The following SPTSSA variants were observed in gnomAD, a reference collection of about 807,000 sequenced individuals.
The protein encoded by SPTSSA is small subunit of serine palmitoyltransferase A.
Under a neutral mutation model 9.1 loss-of-function variants are expected in SPTSSA, and 8 were observed. The ratio of observed to expected loss-of-function variants is 0.88; its 90% CI spans 0.51 to 1.58. The LOEUF is 1.58. Among genes scored for constraint, SPTSSA ranks in the 40% most tolerant of loss-of-function variants. The pLI is 0.00. For synonymous variants in SPTSSA, 42 were observed against 37.7 expected (o/e 1.11, Z -0.41); for missense variants, 100 against 93.8 (o/e 1.07, Z -0.27).
intron 1 of SPTSSA, among the ~76,000 whole-genome samples, chr14:34,441,438 C>T (rs996600121): frequency 6.6e-6 from 1 of 152,206 alleles, no homozygotes; most frequent in Non-Finnish European, 1.5e-5. Flanking sequence ...CTCAAGCCTA[C>T]TCCTAAATTG....
At chr14:34,443,955 C>T (rs1955878995) in intron 1 of SPTSSA, among the ~76,000 whole-genome samples, 1 of 152,186 alleles carries the variant, frequency 6.6e-6, no homozygotes, top group Non-Finnish European at 1.5e-5. Flanking sequence ...TGGTTGCATA[C>T]AGTCAAACAG....
chr14:34,451,545 A>C (rs992282686), intron 1 of SPTSSA, among the ~76,000 whole-genome samples: 8 of 151,960 alleles, frequency 5.3e-5, no homozygotes, highest in African/African-American at 1.7e-4. Context: ...AACACGGTGA[A>C]ACCCCGTCTC....
intron 1 of SPTSSA, among the ~76,000 whole-genome samples, chr14:34,459,268 C>A (rs1372251511): frequency 1.3e-5 from 2 of 148,258 alleles, no homozygotes; most frequent in Non-Finnish European, 3.0e-5. Flanking sequence ...CCACCCCACC[C>A]CCACCCCACC....
chr14:34,446,222 G>A (rs1883420263), intron 1 of SPTSSA, among the ~76,000 whole-genome samples: 1 of 152,198 alleles, frequency 6.6e-6, no homozygotes, highest in African/African-American at 2.4e-5. Context: ...TCACAACTGA[G>A]AGGGGTCCCT....
chr14:34,435,346 A>G (rs1883223208), intron 1 of SPTSSA, 42 bp from the exon 2 acceptor site: 1 of 1,434,374 alleles, frequency 7.0e-7, no homozygotes, highest in African/African-American at 1.4e-5. Context: ...TAATTTATTC[A>G]AAACTAAATC....
Position 34,433,626 on chromosome 14 carries a change from T to C in SPTSSA, c.*1575A>G, listed in dbSNP as rs978217184. 1 of 152,122 alleles carries C rather than the reference T, an allele frequency of 6.6e-6. No homozygotes were observed. Among genetic ancestry groups the C allele is most frequent in the East Asian group, 1.9e-4 (1 of 5,192 alleles). The allele number at this position is 152,122 out of a possible 1,614,324, so 9.4% of individuals were successfully genotyped here. A position where few individuals can be genotyped will look rare whatever the true frequency, so the allele number is the denominator to read the frequency against. On this transcript the variant is annotated 3_prime_UTR_variant, in exon 2 of 2. Coordinates refer to ENST00000298130, the MANE Select transcript of SPTSSA (RefSeq NM_138288.4). ...TATATTACTTGAGACCTCTAGACTATAAAATACTTCAAAAGTCTAGTCCTT... is the reference window on the plus strand; with the variant it reads ...TATATTACTTGAGACCTCTAGACTACAAAATACTTCAAAAGTCTAGTCCTT...
intron 1 of SPTSSA, 119 bp from the exon 2 acceptor site, chr14:34,435,423 C>T: frequency 1.7e-6 from 1 of 602,952 alleles, no homozygotes; most frequent in Non-Finnish European, 2.8e-6. Context: ...TCATTTATAT[C>T]AAGCACTGAT....
Position 34,434,416 on chromosome 14 carries a change from A to C in SPTSSA, c.*785T>G, listed in dbSNP as rs1213179352. The C allele has an allele frequency of 1.3e-5, 2 of 152,662 alleles. No homozygotes were observed. Among genetic ancestry groups the C allele is most frequent in the African/African-American group, 4.8e-5 (2 of 41,464 alleles). The allele number at this position is 152,662 out of a possible 1,614,324, so 9.5% of individuals were successfully genotyped here. A position where few individuals can be genotyped will look rare whatever the true frequency, so the allele number is the denominator to read the frequency against. ...CATTGTTAATAGTGACCCTCGGAGG[A>C]AATGGATTTCTCTTCTATTAAAAAC... On this transcript the variant is annotated 3_prime_UTR_variant, in exon 2 of 2. Transcript: ENST00000298130.
Position 34,436,721 on chromosome 14 carries a change from G to A in SPTSSA, c.113-1417C>T, listed in dbSNP as rs954164121. On this transcript the variant is annotated intron_variant, in intron 1 of 1. Transcript: ENST00000298130. Reference sequence around the variant, plus strand: ...TTATGTTCATCACTAATCAGAAGCTGAGAAAACTGAGTAGCTTGTTCAGGG... The same window carrying A: ...TTATGTTCATCACTAATCAGAAGCTAAGAAAACTGAGTAGCTTGTTCAGGG... 1.3e-5 allele frequency among the ~76,000 whole-genome samples: 2 copies of A among 152,182 alleles called. 1 individual carries two copies. Among genetic ancestry groups the A allele is most frequent in the South Asian group, 4.2e-4 (2 of 4,818 alleles).
At chr14:34,440,403 T>C (rs1481502896) in intron 1 of SPTSSA, among the ~76,000 whole-genome samples, 1 of 152,244 alleles carries the variant, frequency 6.6e-6, no homozygotes, top group African/African-American at 2.4e-5. Flanking sequence ...GAAAATGGTA[T>C]AGTAATAATC....
rs549874486 is a variant in SPTSSA, at chr14:34,439,394, T to C, written c.113-4090A>G. Among the ~76,000 whole-genome samples, 7 of 152,092 alleles carry C rather than the reference T, an allele frequency of 4.6e-5. No homozygotes were observed. The South Asian group carries it at 1.2e-3, about 27-fold the overall frequency. ...GGCTCATGCCTGTAATTCCAGCACT[T>C]TGGGAGGCCGAGGTGGGAGGATTAC... is the stretch of plus-strand genomic sequence containing the variant. On this transcript the variant is annotated intron_variant, in intron 1 of 1. Coordinates refer to ENST00000298130, the MANE Select transcript of SPTSSA (RefSeq NM_138288.4).
intron 1 of SPTSSA, among the ~76,000 whole-genome samples, chr14:34,441,895 G>A (rs1013945713): frequency 6.9e-6 from 1 of 145,918 alleles, no homozygotes; most frequent in African/African-American, 2.5e-5. Context: ...TTTTGTTTTT[G>A]GAGACAGTCT....
In SPTSSA at chr14:34,435,211, A is replaced by C; in HGVS notation, c.206T>G (p.Ile69Ser). The change falls in exon 2 of 2, where the codon ATC becomes AGC. Residue 69 changes from isoleucine to serine, a missense_variant. Transcript: ENST00000298130. ...CTGGTCGCATCTTGGTCATTGTACG[A>C]TTTCAAAGTAGTGCAATATCGCCAT... Reference protein sequence around the residue: ...HIMAILHYFEIVQ With the variant: ...HIMAILHYFESVQ 1.2e-6 allele frequency: 2 copies of C among 1,613,344 alleles called. No homozygotes were observed. The highest frequency in any genetic ancestry group is 1.7e-6 in the Non-Finnish European group (2 of 1,179,566).
chr14:34,440,727 C>T (rs551367667), intron 1 of SPTSSA, among the ~76,000 whole-genome samples: 159 of 151,956 alleles, frequency 1.0e-3, no homozygotes, highest in African/African-American at 3.4e-3. Context: ...ACTAAAAATA[C>T]AAAATTAGCC....
intron 1 of SPTSSA, among the ~76,000 whole-genome samples, chr14:34,445,512 TAAATA>T (rs151328098): frequency 0.019 from 2,904 of 152,098 alleles, 97 homozygotes; most frequent in African/African-American, 0.066. Context: ...AAAAAATAAA[TAAATA>T]AAATAAAATA....
intron 1 of SPTSSA, among the ~76,000 whole-genome samples, chr14:34,447,879 T>G (rs1257302238): frequency 2.0e-5 from 3 of 152,200 alleles, no homozygotes; most frequent in Admixed American, 2.0e-4. Flanking sequence ...CCCTCTCGCC[T>G]AGAAACCATC....
intron 1 of SPTSSA, 143 bp downstream of exon 1, chr14:34,461,953 T>A: frequency 1.2e-5 from 1 of 80,622 alleles, no homozygotes; most frequent in Non-Finnish European, 1.5e-5. Flanking sequence ...CCCCCAGACC[T>A]CCCCCTGCAC....
intron 1 of SPTSSA, among the ~76,000 whole-genome samples, chr14:34,440,542 G>T (rs544959454): frequency 1.3e-5 from 2 of 152,182 alleles, no homozygotes; most frequent in South Asian, 4.1e-4. Context: ...ATCACTTAAG[G>T]AACACGCATA....
At chr14:34,443,173 T>TGTGTG (rs1883353515) in intron 1 of SPTSSA, among the ~76,000 whole-genome samples, 3 of 32,002 alleles carry the variant, frequency 9.4e-5, no homozygotes, top group Admixed American at 3.8e-4. Context: ...GTGTGTGTGT[T>TGTGTG]TTGAGATTGA....
Sources: allele counts gnomAD v4.1 joint callset (sites outside exome capture counted in the v4.1 genomes callset), GRCh38; gene constraint gnomAD v4.1.1; transcripts MANE v1.5; gene names NCBI Gene and HGNC (gene_info 2026-07-23, HGNC 2026-07-21).